Variants in PLXNA1 observed in about 807,000 individuals in gnomAD.
The protein encoded by PLXNA1 is plexin-A1.
Under a neutral mutation model 191.7 loss-of-function variants are expected in PLXNA1, and 77 were observed. That is an observed-to-expected ratio of 0.40 (90% CI 0.33 to 0.49). PLXNA1 has a LOEUF of 0.49. Ranked by LOEUF, PLXNA1 falls within the 20% of genes least tolerant of loss-of-function variation. PLXNA1 has a pLI of 0.63. For missense variants in PLXNA1, 2,110 were observed against 2,660.2 expected (o/e 0.79, Z 4.55); for synonymous variants, 1,137 against 1,156.4 (o/e 0.98, Z 0.34).
At chr3:126,988,471 T>C in intron 1 of PLXNA1, 50 bp from the exon 2 acceptor site, 1 of 861,810 alleles carries the variant, frequency 1.2e-6, no homozygotes, top group Non-Finnish European at 1.7e-6. Context: ...CATAATATCA[T>C]GGGATGGGCC....
At position 127,022,126 on chromosome 3, in the gene PLXNA1, G is replaced by C. The variant is rs2079154477; in HGVS notation, c.4080G>C (p.Gln1360His). ...AGAAGTCGCTGACACTGTTCGGGCA[G>C]CTGCTGACCAAGAAGCACTTCCTGC... is the stretch of plus-strand genomic sequence containing the variant. ...NVEKSLTLFGQLLTKKHFLLT... is the reference protein window; with the variant it reads ...NVEKSLTLFGHLLTKKHFLLT... Residue 1360 changes from glutamine (Q) to histidine (H), a missense_variant, in exon 22 of 32, where the codon CAG (glutamine) becomes CAC (histidine). Coordinates refer to ENST00000393409, the MANE Select transcript of PLXNA1 (RefSeq NM_032242.4). The C allele has an allele frequency of 6.2e-7, 1 of 1,613,118 alleles. No individual in the cohort carries two copies. The highest frequency in any genetic ancestry group is 1.3e-5 in the African/African-American group (1 of 74,952).
chr3:127,003,006 G>C (rs2079048149), intron 3 of PLXNA1, among the ~76,000 whole-genome samples: 1 of 152,222 alleles, frequency 6.6e-6, no homozygotes, highest in African/African-American at 2.4e-5. Context: ...CCTTCACCCT[G>C]GGTGTGGCCA....
intron 29 of PLXNA1, among the ~76,000 whole-genome samples, chr3:127,031,254 A>G (rs1161185400): frequency 6.6e-6 from 1 of 152,170 alleles, no homozygotes; most frequent in Non-Finnish European, 1.5e-5. Context: ...GCCACACCCT[A>G]GCCCCTGGAG....
At position 127,028,191 on chromosome 3, in the gene PLXNA1, G is replaced by A. The variant is rs1394813165; in HGVS notation, c.4520G>A (p.Cys1507Tyr). 1 of 1,613,276 alleles carries A rather than the reference G, an allele frequency of 6.2e-7. No individual in the cohort carries two copies. The highest frequency in any genetic ancestry group is 8.5e-7 in the Non-Finnish European group (1 of 1,179,976). The change falls in exon 25 of 32, where the codon TGT (cysteine) becomes TAT (tyrosine). Residue 1507 changes from cysteine (C) to tyrosine (Y), a missense_variant. Around this residue, in one of 4 missense-constraint regions of PLXNA1, gnomAD observed 559 missense variants for 911.5 expected, o/e 0.61. Transcript: ENST00000393409. ...QIDYKTLTLN[C>Y]VNPENENAPE... ...CCACCCCGCCCGCAGACCCTGAACT[G>A]TGTGAACCCTGAGAATGAGAATGCA...
Position 127,003,363 on chromosome 3 carries a change from C to A in PLXNA1, c.1411C>A (p.Pro471Thr). Reference protein sequence around the residue: ...LVDLSNPGGRPALAYESVVAQ... With the variant: ...LVDLSNPGGRTALAYESVVAQ... ...GGACCTCTCAAACCCCGGTGGCCGG[C>A]CTGCCCTGGCCTACGAGAGCGTCGT... The change falls in exon 4 of 32, where the codon CCT (proline) becomes ACT (threonine). Residue 471 changes from proline to threonine, a missense_variant. By Grantham distance (38) the Pro-to-Thr change is conservative. Around this residue, in one of 4 missense-constraint regions of PLXNA1, gnomAD observed 903 missense variants for 1,015.7 expected, o/e 0.89. Coordinates refer to ENST00000393409, the MANE Select transcript of PLXNA1 (RefSeq NM_032242.4). 1 of 1,609,710 alleles carries A rather than the reference C, an allele frequency of 6.2e-7. No homozygotes were observed. The highest frequency in any genetic ancestry group is 8.5e-7 in the Non-Finnish European group (1 of 1,177,638).
At chr3:126,991,360 C>T (rs1576669112) in intron 2 of PLXNA1, 24 bp from the exon 3 acceptor site, 2 of 1,610,752 alleles carry the variant, frequency 1.2e-6, no homozygotes, top group Non-Finnish European at 8.5e-7. Context: ...CGGGGAGTGG[C>T]TCTCACCCTG....
At chr3:126,994,008 G>A (rs774850430) in intron 3 of PLXNA1, among the ~76,000 whole-genome samples, 28 of 152,114 alleles carry the variant, frequency 1.8e-4, no homozygotes, top group Admixed American at 2.0e-4. Context: ...CTGAGCCTTG[G>A]TGTCTCCTCG....
In PLXNA1 at chr3:126,989,725, C is replaced by T. The variant is rs764128475; in HGVS notation, c.1132C>T (p.Arg378Cys). ...KIKERIQSCY[R>C]GEGKLSLPWL... ...TAAGGAGCGCATCCAGTCCTGCTACCGTGGTGAGGGCAAGCTCTCCCTGCC... is the reference window on the plus strand; with the variant it reads ...TAAGGAGCGCATCCAGTCCTGCTACTGTGGTGAGGGCAAGCTCTCCCTGCC... Residue 378 changes from arginine (R) to cysteine (C), a missense_variant, in exon 2 of 32, where the codon CGT becomes TGT. Physicochemically the swap from Arg to Cys is radical, Grantham distance 180. Around this residue, in one of 4 missense-constraint regions of PLXNA1, gnomAD observed 903 missense variants for 1,015.7 expected, o/e 0.89. Coordinates refer to ENST00000393409, the MANE Select transcript of PLXNA1 (RefSeq NM_032242.4). 1 of 1,613,026 alleles carries T rather than the reference C, an allele frequency of 6.2e-7. No individual in the cohort carries two copies. The highest frequency in any genetic ancestry group is 8.5e-7 in the Non-Finnish European group (1 of 1,179,990).
In PLXNA1 at chr3:127,017,462, G is replaced by C; in HGVS notation, c.3314G>C (p.Arg1105Pro). Residue 1105 changes from arginine to proline, a missense_variant, in exon 18 of 32, where the codon CGC becomes CCC. Arg to Pro is a moderately radical substitution (Grantham distance 103). This residue lies in a region of PLXNA1 where 644 missense variants were observed against 714.3 expected (regional missense o/e 0.90). Coordinates refer to ENST00000393409, the MANE Select transcript of PLXNA1 (RefSeq NM_032242.4). ...TACAATGACACCACCATGGTATGCC[G>C]CGCCCCGTCTGTGGCCAACCCTGTG... The part of the protein sequence containing the change: ...LVYNDTTMVC[R>P]APSVANPVRS... 2 of 1,613,250 alleles carry C rather than the reference G, an allele frequency of 1.2e-6. No individual in the cohort carries two copies. The highest frequency in any genetic ancestry group is 1.7e-6 in the Non-Finnish European group (2 of 1,179,982).
At chr3:127,013,950 T>G in intron 10 of PLXNA1, 70 bp from the exon 11 acceptor site, 2 of 1,403,110 alleles carry the variant, frequency 1.4e-6, no homozygotes, top group Non-Finnish European at 2.0e-6. Flanking sequence ...CTGGTGGCTT[T>G]GTGGGCGTGA....
intron 1 of PLXNA1, among the ~76,000 whole-genome samples, chr3:126,984,164 C>G (rs2078946002): frequency 6.6e-6 from 1 of 152,190 alleles, no homozygotes; most frequent in Non-Finnish European, 1.5e-5. Flanking sequence ...CAGGGAGGCC[C>G]CTCGGTCGGC....
intron 20 of PLXNA1, 105 bp downstream of exon 20, chr3:127,018,633 A>G: frequency 3.4e-6 from 3 of 869,748 alleles, no homozygotes; most frequent in Non-Finnish European, 5.3e-6. Flanking sequence ...GCTTCAGCTC[A>G]GTTTACAATG....
At chr3:127,015,426 C>T in intron 15 of PLXNA1, 106 bp downstream of exon 15, 1 of 1,403,498 alleles carries the variant, frequency 7.1e-7, no homozygotes, top group East Asian at 2.4e-5. Flanking sequence ...GAGAGCCTGG[C>T]TGGGGTGATC....
In PLXNA1 at chr3:126,989,814, C is replaced by T. The variant is rs2078982063; in HGVS notation, c.1194+27C>T. ...TGAGTTGGGCAGGGGCGCCCCTCCT[C>T]CCGCGGCCCCATCCCCTCCAGGGAC... On this transcript the variant is annotated intron_variant, in intron 2 of 31. Coordinates refer to ENST00000393409, the MANE Select transcript of PLXNA1 (RefSeq NM_032242.4). 7.7e-6 allele frequency: 12 copies of T among 1,557,872 alleles called. No individual in the cohort carries two copies. The South Asian group carries it at 1.2e-4, about 15-fold the overall frequency.
At chr3:126,993,987 G>A (rs1224719105) in intron 3 of PLXNA1, among the ~76,000 whole-genome samples, 3 of 152,268 alleles carry the variant, frequency 2.0e-5, no homozygotes, top group Admixed American at 6.5e-5. Flanking sequence ...TGAGCAAGCC[G>A]TCCAGCCTCT....
chr3:127,008,299 G>C (rs947210042), intron 9 of PLXNA1, among the ~76,000 whole-genome samples: 1 of 152,222 alleles, frequency 6.6e-6, no homozygotes, highest in African/African-American at 2.4e-5. Flanking sequence ...GCAGAGCCTG[G>C]AGTGCGGGTG....
chr3:127,007,693 G>T, intron 8 of PLXNA1, 106 bp from the exon 9 acceptor site: 1 of 691,050 alleles, frequency 1.4e-6, no homozygotes, highest in Non-Finnish European at 2.5e-6. Flanking sequence ...AAGACCCTGA[G>T]GTGGCACTAT....
chr3:127,012,643 G>A (rs548802034), intron 10 of PLXNA1, among the ~76,000 whole-genome samples: 2 of 152,386 alleles, frequency 1.3e-5, no homozygotes, highest in Middle Eastern at 3.4e-3. Flanking sequence ...CCATTGGCCC[G>A]CACTTGCACA....
At chr3:126,998,099 G>T (rs1220170446) in intron 3 of PLXNA1, among the ~76,000 whole-genome samples, 1 of 152,220 alleles carries the variant, frequency 6.6e-6, no homozygotes, top group African/African-American at 2.4e-5. Flanking sequence ...TGCTGGAAGG[G>T]TGTTCTGGGG....
Sources: gnomAD v4.1 joint callset for allele counts (sites outside exome capture counted in the v4.1 genomes callset) on GRCh38, gnomAD v4.1.1 for gene constraint, gnomAD v4.1.1 regional missense constraint, MANE v1.5 for transcripts, NCBI Gene and HGNC (gene_info 2026-07-23, HGNC 2026-07-21) for gene names.